The following ENOX1 variants were observed in gnomAD, a reference collection of about 807,000 sequenced individuals.
ENOX1 encodes the protein ecto-NOX disulfide-thiol exchanger 1, also known as candidate growth-related and time keeping constitutive hydroquinone (NADH) oxidase.
A neutral mutation model predicts 82.5 loss-of-function variants in ENOX1; 42 were observed. The observed-to-expected ratio is 0.51, with a 90% CI of 0.40 to 0.66. The LOEUF is 0.66. Ranked by LOEUF, ENOX1 falls within the 30% of genes least tolerant of loss-of-function variation. The pLI is 0.00. For missense variants in ENOX1, 608 were observed against 811.6 expected (o/e 0.75, Z 3.05); for synonymous variants, 271 against 282.2 (o/e 0.96, Z 0.40).
intron 11 of ENOX1, among the ~76,000 whole-genome samples, chr13:43,317,732 G>C (rs944399331): frequency 2.0e-5 from 3 of 151,734 alleles, no homozygotes; most frequent in African/African-American, 7.3e-5. Flanking sequence ...CGGGCCAGGC[G>C]TGGTGGCTCA....
intron 1 of ENOX1, among the ~76,000 whole-genome samples, chr13:43,680,246 G>A (rs2085716657): frequency 6.6e-6 from 1 of 152,144 alleles, no homozygotes; most frequent in South Asian, 2.1e-4. Context: ...ATTAAAAGAA[G>A]TTTCATAAGT....
At chr13:43,480,360 C>T (rs935319875) in intron 3 of ENOX1, among the ~76,000 whole-genome samples, 2 of 152,154 alleles carry the variant, frequency 1.3e-5, no homozygotes, top group Non-Finnish European at 2.9e-5. Flanking sequence ...GTTCCTTCAA[C>T]CTATTTGGCC....
Position 43,754,105 on chromosome 13 carries a change from T to G in ENOX1, c.-285+32547A>C, listed in dbSNP as rs946277754. Among the ~76,000 whole-genome samples the G allele has an allele frequency of 1.9e-4, 4 of 21,270 alleles. No individual in the cohort carries two copies. In the East Asian group the frequency reaches 5.8e-3, roughly 31 times the overall value. 14.0% of individuals were successfully genotyped at this position (21,270 alleles called of 152,430 possible). A position where few individuals can be genotyped will look rare whatever the true frequency, so the allele number is the denominator to read the frequency against. ...ACATATATACGTATATATGTATACGTATATGTATACATAAGTATACGTATA... is the reference window on the plus strand; with the variant it reads ...ACATATATACGTATATATGTATACGGATATGTATACATAAGTATACGTATA... On this transcript the variant is annotated intron_variant, in intron 1 of 16. Coordinates refer to ENST00000690772, the MANE Select transcript of ENOX1 (RefSeq NM_001347969.2).
At chr13:43,436,212 C>T (rs2056021119) in intron 3 of ENOX1, among the ~76,000 whole-genome samples, 2 of 152,100 alleles carry the variant, frequency 1.3e-5, no homozygotes, top group Non-Finnish European at 2.9e-5. Flanking sequence ...CAATGTTTTC[C>T]TACATAAAGA....
chr13:43,483,261 G>C (rs1346471740), intron 3 of ENOX1, among the ~76,000 whole-genome samples: 1 of 152,078 alleles, frequency 6.6e-6, no homozygotes, highest in African/African-American at 2.4e-5. Context: ...TCCTTTTCCA[G>C]CTTTGAAAGA....
intron 1 of ENOX1, among the ~76,000 whole-genome samples, chr13:43,689,993 G>C (rs921223764): frequency 6.6e-6 from 1 of 152,076 alleles, no homozygotes; most frequent in Non-Finnish European, 1.5e-5. Context: ...GAATACAACA[G>C]AGTCTGTAGC....
intron 9 of ENOX1, among the ~76,000 whole-genome samples, chr13:43,327,199 C>A (rs1419491434): frequency 1.3e-5 from 2 of 152,220 alleles, no homozygotes; most frequent in African/African-American, 4.8e-5. Flanking sequence ...CTCACCCAAC[C>A]AGTGGCACTG....
At chr13:43,272,598 G>A (rs762366931) in intron 12 of ENOX1, among the ~76,000 whole-genome samples, 2 of 152,080 alleles carry the variant, frequency 1.3e-5, no homozygotes, top group Non-Finnish European at 2.9e-5. Flanking sequence ...TTATATACTT[G>A]CTAGCTATAG....
intron 1 of ENOX1, among the ~76,000 whole-genome samples, chr13:43,696,837 G>A (rs1021628313): frequency 2.7e-5 from 4 of 147,464 alleles, no homozygotes; most frequent in African/African-American, 1.0e-4. Flanking sequence ...ATTTCCAGCT[G>A]GCCATATCAG....
intron 14 of ENOX1, among the ~76,000 whole-genome samples, chr13:43,237,077 T>C (rs2042585608): frequency 6.6e-6 from 1 of 152,222 alleles, no homozygotes. Context: ...ATTTCAAAGA[T>C]GAATAATCTT....
At chr13:43,720,196 G>T (rs2088475317) in intron 1 of ENOX1, among the ~76,000 whole-genome samples, 2 of 152,190 alleles carry the variant, frequency 1.3e-5, no homozygotes, top group South Asian at 4.1e-4. Context: ...AAATAAGAAA[G>T]CAATGATCTT....
At chr13:43,273,380 C>T (rs1233090572) in intron 12 of ENOX1, among the ~76,000 whole-genome samples, 1 of 152,114 alleles carries the variant, frequency 6.6e-6, no homozygotes, top group Admixed American at 6.5e-5. Flanking sequence ...TTAAAGTGCT[C>T]CCATGATTAA....
chr13:43,339,727 T>C (rs2048947188), intron 9 of ENOX1, among the ~76,000 whole-genome samples: 1 of 152,162 alleles, frequency 6.6e-6, no homozygotes, highest in African/African-American at 2.4e-5. Context: ...GAGGGAGCAG[T>C]TGGGGCTGCT....
chr13:43,505,512 T>C (rs183200163), intron 2 of ENOX1, among the ~76,000 whole-genome samples: 2 of 152,116 alleles, frequency 1.3e-5, no homozygotes, highest in African/African-American at 4.8e-5. Context: ...TTGAAGAAAG[T>C]TGGAAAGATA....
chr13:43,318,221 T>C (rs2047621300), intron 11 of ENOX1, among the ~76,000 whole-genome samples: 2 of 152,236 alleles, frequency 1.3e-5, no homozygotes, highest in South Asian at 4.1e-4. Flanking sequence ...TTTACTCTTC[T>C]AACATTTGTG....
chr13:43,641,242 T>C (rs2083634876), intron 2 of ENOX1, among the ~76,000 whole-genome samples: 1 of 152,104 alleles, frequency 6.6e-6, no homozygotes, highest in Non-Finnish European at 1.5e-5. Context: ...TTTCCAAACC[T>C]GGCTTTAGGA....
chr13:43,352,506 C>G (rs2049873485), intron 8 of ENOX1, among the ~76,000 whole-genome samples: 1 of 152,170 alleles, frequency 6.6e-6, no homozygotes, highest in African/African-American at 2.4e-5. Context: ...TCTCATCTGC[C>G]TGGTTGCCAC....
intron 3 of ENOX1, 121 bp from the exon 4 acceptor site, chr13:43,413,109 A>C (rs1361469619): frequency 3.9e-6 from 4 of 1,024,628 alleles, no homozygotes. Context: ...TCTCAGGCAC[A>C]GAAGAAATGC....
chr13:43,246,753 C>G (rs900155757), intron 14 of ENOX1, among the ~76,000 whole-genome samples: 2 of 152,068 alleles, frequency 1.3e-5, no homozygotes, highest in African/African-American at 4.8e-5. Context: ...ATTGGCTGGG[C>G]AGGTGGAGAG....
Sources: gnomAD v4.1 joint callset for allele counts (sites outside exome capture counted in the v4.1 genomes callset) on GRCh38, gnomAD v4.1.1 for gene constraint, MANE v1.5 for transcripts, NCBI Gene and HGNC (gene_info 2026-07-23, HGNC 2026-07-21) for gene names.